MOBP: variants seen among roughly 807,000 people sequenced by gnomAD.
The protein encoded by MOBP is myelin associated oligodendrocyte basic protein, also known as myelin-associated oligodendrocyte basic protein.
MOBP carries 5 observed loss-of-function variants against 15.0 expected under a neutral mutation model. The observed-to-expected ratio is 0.33, with a 90% confidence interval of 0.17 to 0.70. The LOEUF is 0.70. Ranked by LOEUF, MOBP falls within the 30% of genes least tolerant of loss-of-function variation. MOBP has a pLI of 0.67. For missense variants in MOBP, 188 were observed against 257.8 expected (o/e 0.73, Z 1.85); for synonymous variants, 88 against 99.0 (o/e 0.89, Z 0.66).
chr3:39,503,970 G>C (rs664335), downstream of MOBP, among the ~76,000 whole-genome samples: 139,555 of 152,150 alleles, frequency 0.92, 64,652 homozygotes, highest in Middle Eastern at 0.98. Context: ...CATTCACCCC[G>C]CAAAGGTACA....
At chr3:39,509,466 A>G (rs2043092032) in intron 4 of MOBP, among the ~76,000 whole-genome samples, 1 of 152,188 alleles carries the variant, frequency 6.6e-6, no homozygotes, top group African/African-American at 2.4e-5. Flanking sequence ...TGACTAGTGA[A>G]GTTGAGCATC....
chr3:39,494,950 C>T (rs939647132), intron 2 of MOBP, among the ~76,000 whole-genome samples: 11 of 152,068 alleles, frequency 7.2e-5, no homozygotes, highest in African/African-American at 2.4e-4. Context: ...AGGCCTGAAA[C>T]AACAAACTCC....
At chr3:39,478,798 A>G (rs1010840003) in intron 1 of MOBP, among the ~76,000 whole-genome samples, 3 of 151,854 alleles carry the variant, frequency 2.0e-5, no homozygotes, top group African/African-American at 7.3e-5. Context: ...ACTTGCTTCT[A>G]TATCACTACT....
chr3:39,526,912 G>T (rs1248684407), downstream of MOBP: 1 of 152,148 alleles, frequency 6.6e-6, no homozygotes, highest in African/African-American at 2.4e-5. Flanking sequence ...AAGTAGCTGG[G>T]ATTACAGGTG....
At chr3:39,512,508 C>T (rs958139412) in intron 4 of MOBP, among the ~76,000 whole-genome samples, 2 of 152,132 alleles carry the variant, frequency 1.3e-5, no homozygotes, top group Admixed American at 1.3e-4. Context: ...TTATTTTTTT[C>T]TGGTATCCTC....
In MOBP at chr3:39,502,328, G is replaced by A; in HGVS notation, c.206+53G>A. The stretch of plus-strand genomic sequence containing the variant: ...CAGTTGGGCACAGCGCGTGGTCTCG[G>A]CTCCCAGCACGCCCCTCCCGCTCCG... On this transcript the variant is annotated intron_variant, in intron 3 of 3. Coordinates refer to ENST00000684792, the MANE Select transcript of MOBP (RefSeq NM_001393704.1). The surrounding 1 kb of genome is among the most constrained non-coding windows in gnomAD (Gnocchi z 6.3). 5 of 1,608,776 alleles carry A rather than the reference G, an allele frequency of 3.1e-6. No homozygotes were observed. Among genetic ancestry groups the A allele is most frequent in the African/African-American group, 2.7e-5 (2 of 74,952 alleles).
At position 39,514,967 on chromosome 3, in the gene MOBP, TG is replaced by T. The variant is rs2043179457; in HGVS notation, c.*1585del. ...GTGCTCCTGTGGACTGGTGTGTGCG[TG>T]TGTGTGTGTGTGTGTGTGTGTGTGT... On this transcript the variant is annotated 3_prime_UTR_variant, in exon 5 of 5. Transcript: ENST00000311042. The T allele has an allele frequency of 0.01, 3 of 300 alleles. No individual in the cohort carries two copies. The African/African-American group carries it at 0.11, about 11-fold the overall frequency. 0.0% of individuals were successfully genotyped at this position (300 alleles called of 1,614,324 possible).
chr3:39,513,020 C>T (rs755528233), intron 4 of MOBP, among the ~76,000 whole-genome samples: 3 of 152,278 alleles, frequency 2.0e-5, no homozygotes, highest in Non-Finnish European at 4.4e-5. Flanking sequence ...TATGTATGTA[C>T]ATTCACATCT....
chr3:39,484,848 CT>C (rs1281117026), intron 2 of MOBP, among the ~76,000 whole-genome samples: 2 of 152,242 alleles, frequency 1.3e-5, no homozygotes, highest in African/African-American at 4.8e-5. Flanking sequence ...TCAGAAAGGA[CT>C]TTTGCACAAC....
chr3:39,505,710 C>T (rs2043039499), downstream of MOBP, among the ~76,000 whole-genome samples: 1 of 152,168 alleles, frequency 6.6e-6, no homozygotes, highest in Non-Finnish European at 1.5e-5. Flanking sequence ...TGGTCCAGAC[C>T]ACATGGTTAA....
At chr3:39,480,352 C>T (rs1434654699) in intron 2 of MOBP, among the ~76,000 whole-genome samples, 4 of 152,120 alleles carry the variant, frequency 2.6e-5, no homozygotes, top group African/African-American at 9.7e-5. Flanking sequence ...GGACTATGAC[C>T]CAAGCCACCG....
chr3:39,472,490 T>C (rs566197339), intron 1 of MOBP, among the ~76,000 whole-genome samples: 1 of 152,380 alleles, frequency 6.6e-6, no homozygotes, highest in Non-Finnish European at 1.5e-5. Flanking sequence ...TTAGCTATTA[T>C]GACTGTTTCA....
chr3:39,469,110 A>ATATACATATATACATATGTGTGTGTG (rs2042417437), intron 1 of MOBP, among the ~76,000 whole-genome samples: 1 of 48,154 alleles, frequency 2.1e-5, no homozygotes, highest in African/African-American at 1.9e-4. Flanking sequence ...ATGTGTGTGT[A>ATATACATATATACATATGTGTGTGTG]TATATACATA....
At chr3:39,511,815 C>T (rs1427670023) in intron 4 of MOBP, among the ~76,000 whole-genome samples, 2 of 152,004 alleles carry the variant, frequency 1.3e-5, no homozygotes, top group East Asian at 3.9e-4. Context: ...TGCAGTCAGT[C>T]TGGCACAGTG....
intron 1 of MOBP, among the ~76,000 whole-genome samples, chr3:39,477,236 T>C (rs6782255): frequency 0.27 from 41,611 of 151,840 alleles, 7,276 homozygotes; most frequent in African/African-American, 0.49. Context: ...GGGCTTCCCA[T>C]AGTTTCACCC....
At chr3:39,493,741 T>G (rs1454674086) in intron 2 of MOBP, among the ~76,000 whole-genome samples, 1 of 152,192 alleles carries the variant, frequency 6.6e-6, no homozygotes, top group Admixed American at 6.5e-5. Flanking sequence ...GGTATGATCA[T>G]TACTCTTTGG....
At chr3:39,476,827 T>C (rs1338419623) in intron 1 of MOBP, among the ~76,000 whole-genome samples, 7 of 152,196 alleles carry the variant, frequency 4.6e-5, no homozygotes, top group Non-Finnish European at 8.8e-5. Flanking sequence ...ACATTATGCT[T>C]ATCTTTTCTC....
chr3:39,467,711 T>C lies in MOBP; in HGVS notation c.-118T>C, dbSNP rs1400933549. 1 of 152,230 alleles carries C rather than the reference T, an allele frequency of 6.6e-6. No homozygotes were observed. The highest frequency in any genetic ancestry group is 1.5e-5 in the Non-Finnish European group (1 of 68,036). The allele number at this position is 152,230 out of a possible 1,614,324, so 9.4% of individuals were successfully genotyped here. On this transcript the variant is annotated 5_prime_UTR_variant, in exon 1 of 4. Transcript: ENST00000684792. ...TCAGGGACCTGGTATAGACGCAGAATCTGTTTCACACAACAACTGCTATTT... is the reference window on the plus strand; with the variant it reads ...TCAGGGACCTGGTATAGACGCAGAACCTGTTTCACACAACAACTGCTATTT...
downstream of MOBP, chr3:39,517,862 A>G (rs535643016): frequency 2.0e-5 from 3 of 152,336 alleles, no homozygotes; most frequent in African/African-American, 4.8e-5. Context: ...AATTTATGTA[A>G]AAGTATTATA....
Sources: gnomAD v4.1 joint callset for allele counts (sites outside exome capture counted in the v4.1 genomes callset) on GRCh38, gnomAD v4.1.1 for gene constraint, Gnocchi (gnomAD v3.1) non-coding constraint, MANE v1.5 for transcripts, NCBI Gene and HGNC (gene_info 2026-07-23, HGNC 2026-07-21) for gene names.